The following WDPCP variants were observed in gnomAD, a reference collection of about 807,000 sequenced individuals.
WDPCP encodes the protein WD repeat containing planar cell polarity effector, also known as WD repeat-containing and planar cell polarity effector protein fritz homolog.
A neutral mutation model predicts 93.1 loss-of-function variants in WDPCP; 71 were observed. That is an observed-to-expected ratio of 0.76 (90% CI 0.63 to 0.93). The LOEUF (loss-of-function observed/expected upper bound fraction) is 0.93, where lower values mean the gene tolerates loss of function less well. Ranked by LOEUF, WDPCP falls within the 40% of genes least tolerant of loss-of-function variation. WDPCP has a pLI of 0.00. For synonymous variants in WDPCP, 315 were observed against 315.0 expected, an observed-to-expected ratio of 1.00 and a Z score of 0.00; for missense variants, 844 against 887.4, an observed-to-expected ratio of 0.95 and a Z score of 0.62.
intron 2 of WDPCP, among the ~76,000 whole-genome samples, chr2:63,774,239 A>C (rs1670270531): frequency 6.6e-6 from 1 of 152,170 alleles, no homozygotes; most frequent in Non-Finnish European, 1.5e-5. Context: ...TATGACAGAA[A>C]ATATTCAAAA....
intron 2 of WDPCP, among the ~76,000 whole-genome samples, chr2:63,723,671 A>T (rs1254316598): frequency 6.6e-6 from 1 of 152,104 alleles, no homozygotes; most frequent in Non-Finnish European, 1.5e-5. Context: ...AACAACTTAA[A>T]CTGCTGATGA....
At chr2:63,292,866 G>A (rs943705165) in intron 13 of WDPCP, among the ~76,000 whole-genome samples, 1 of 152,278 alleles carries the variant, frequency 6.6e-6, no homozygotes, top group African/African-American at 2.4e-5. Flanking sequence ...GGCTTGGATG[G>A]TAAATTGCAG....
At chr2:63,514,594 C>CA (rs1043315239) in intron 1 of WDPCP, among the ~76,000 whole-genome samples, 3 of 152,110 alleles carry the variant, frequency 2.0e-5, no homozygotes, top group African/African-American at 7.2e-5. Context: ...AAAATAGGTA[C>CA]AAAACTGCTG....
intron 3 of WDPCP, chr2:63,606,998 A>T: frequency 6.2e-7 from 1 of 1,603,620 alleles, no homozygotes; most frequent in Non-Finnish European, 8.5e-7. Context: ...CTAGACAATG[A>T]TGTTACTAAA....
chr2:63,339,855 A>G (rs1450216740), intron 12 of WDPCP, among the ~76,000 whole-genome samples: 1 of 152,050 alleles, frequency 6.6e-6, no homozygotes, highest in Non-Finnish European at 1.5e-5. Flanking sequence ...TATTATTTTG[A>G]GGTATGTTCC....
At chr2:63,231,111 G>A (rs757652754) in intron 14 of WDPCP, among the ~76,000 whole-genome samples, 1 of 152,082 alleles carries the variant, frequency 6.6e-6, no homozygotes, top group Non-Finnish European at 1.5e-5. Flanking sequence ...ATCAATAAAC[G>A]TAATCCATCA....
chr2:63,222,162 T>C (rs73934636), intron 14 of WDPCP, among the ~76,000 whole-genome samples: 2,119 of 152,316 alleles, frequency 0.014, 47 homozygotes, highest in African/African-American at 0.048. Context: ...TCTATATATA[T>C]GTTTACTCCT....
At chr2:63,527,650 C>T (rs1204492212) in intron 1 of WDPCP, among the ~76,000 whole-genome samples, 1 of 152,048 alleles carries the variant, frequency 6.6e-6, no homozygotes. Context: ...TCCAAGTCTT[C>T]ACTATTGTGA....
upstream of WDPCP, chr2:63,593,042 G>C: frequency 6.6e-6 from 1 of 151,868 alleles, no homozygotes; most frequent in East Asian, 1.9e-4. Flanking sequence ...TATGTAGTTG[G>C]CTATGATCAA....
At chr2:63,246,115 A>G (rs565060057) in intron 14 of WDPCP, among the ~76,000 whole-genome samples, 1 of 152,276 alleles carries the variant, frequency 6.6e-6, no homozygotes, top group South Asian at 2.1e-4. Context: ...AATTAAGGAT[A>G]CCAATGACAG....
intron 6 of WDPCP, among the ~76,000 whole-genome samples, chr2:63,453,232 CA>C (rs1332525605): frequency 6.6e-6 from 1 of 152,098 alleles, no homozygotes; most frequent in African/African-American, 2.4e-5. Context: ...AGAATGAACT[CA>C]AACAAATTTA....
chr2:63,152,998 T>C, intron 16 of WDPCP, 53 bp from the exon 17 acceptor site: 1 of 1,530,954 alleles, frequency 6.5e-7, no homozygotes, highest in Non-Finnish European at 9.0e-7. Flanking sequence ...TAATGGACCT[T>C]AAGAAAATTT....
chr2:63,547,891 T>C (rs1391162607), intron 1 of WDPCP, among the ~76,000 whole-genome samples: 2 of 152,096 alleles, frequency 1.3e-5, no homozygotes, highest in Non-Finnish European at 2.9e-5. Flanking sequence ...TGACTATACT[T>C]AACAGTAATC....
chr2:63,821,880 TAAG>T (rs1405754556), intron 1 of WDPCP, among the ~76,000 whole-genome samples: 1 of 152,072 alleles, frequency 6.6e-6, no homozygotes, highest in African/African-American at 2.4e-5. Context: ...GGTATGAAGT[TAAG>T]TAGTAAGGAT....
intron 1 of WDPCP, among the ~76,000 whole-genome samples, chr2:63,550,071 TC>T (rs72538418): frequency 2.3e-4 from 13 of 55,572 alleles, no homozygotes; most frequent in Admixed American, 6.3e-4. Context: ...TCTCTCTCTC[TC>T]CTTGTCTTCT....
intron 1 of WDPCP, among the ~76,000 whole-genome samples, chr2:63,530,613 G>GT (rs1352251861): frequency 1.1e-4 from 16 of 152,154 alleles, no homozygotes; most frequent in African/African-American, 3.9e-4. Context: ...CAGCTACTCT[G>GT]TTACTGTGAG....
At chr2:63,698,181 C>T (rs1303109645) in intron 2 of WDPCP, among the ~76,000 whole-genome samples, 1 of 151,320 alleles carries the variant, frequency 6.6e-6, no homozygotes, top group Non-Finnish European at 1.5e-5. Flanking sequence ...GTCTCAAACT[C>T]CTGACCTCAG....
intron 6 of WDPCP, among the ~76,000 whole-genome samples, chr2:63,445,357 G>T (rs1440751587): frequency 2.0e-5 from 3 of 152,096 alleles, no homozygotes; most frequent in Non-Finnish European, 4.4e-5. Flanking sequence ...GATTTGTACG[G>T]TGTTATTCAA....
In WDPCP at chr2:63,390,286, C is replaced by G. The variant is rs968085837; in HGVS notation, c.1436-8192G>C. The stretch of plus-strand genomic sequence containing the variant: ...TATATGGAAACTGAACAACATGCTC[C>G]TGAATGACTGACTACTGGGTAAATA... On this transcript the variant is annotated intron_variant, in intron 10 of 17. Transcript: ENST00000272321. Among the ~76,000 whole-genome samples, 6 of 101,100 alleles carry G rather than the reference C, an allele frequency of 5.9e-5. 1 individual carries two copies. The highest frequency in any genetic ancestry group is 1.3e-4 in the Non-Finnish European group (6 of 45,838). 66.3% of individuals were successfully genotyped at this position (101,100 alleles called of 152,430 possible). A position where few individuals can be genotyped will look rare whatever the true frequency, so the allele number is the denominator to read the frequency against.
Sources: allele counts gnomAD v4.1 joint callset (sites outside exome capture counted in the v4.1 genomes callset), GRCh38; gene constraint gnomAD v4.1.1; transcripts MANE v1.5; gene names NCBI Gene and HGNC (gene_info 2026-07-23, HGNC 2026-07-21).